The following PDE5A variants were observed in gnomAD, a reference collection of about 807,000 sequenced individuals.
The protein encoded by PDE5A is cGMP-specific 3',5'-cyclic phosphodiesterase.
Under a neutral mutation model 110.2 loss-of-function variants are expected in PDE5A, and 67 were observed. The ratio of observed to expected loss-of-function variants is 0.61; its 90% confidence interval spans 0.50 to 0.75. The LOEUF is 0.75. Among genes scored for constraint, PDE5A ranks in the 30% least tolerant of loss-of-function variants. PDE5A has a pLI of 0.00. For missense variants in PDE5A, 862 were observed against 1,045.1 expected, an observed-to-expected ratio of 0.82 and a Z score of 2.42; for synonymous variants, 328 against 351.2, an observed-to-expected ratio of 0.93 and a Z score of 0.74.
At chr4:119,601,135 T>C (rs1035210297) in intron 2 of PDE5A, among the ~76,000 whole-genome samples, 7 of 152,174 alleles carry the variant, frequency 4.6e-5, no homozygotes, top group Non-Finnish European at 1.0e-4. Context: ...TTTTCAACCA[T>C]ACCCGAATTC....
intron 3 of PDE5A, among the ~76,000 whole-genome samples, chr4:119,580,707 GCTC>G (rs1478007071): frequency 6.6e-6 from 1 of 152,182 alleles, no homozygotes; most frequent in African/African-American, 2.4e-5. Flanking sequence ...AGGAATCACT[GCTC>G]CTAAGCCAGC....
chr4:119,495,279 A>G lies in PDE5A; in HGVS notation c.*3322T>C, dbSNP rs980525323. 1 of 152,140 alleles carries G rather than the reference A, an allele frequency of 6.6e-6. No homozygotes were observed. Among genetic ancestry groups the G allele is most frequent in the Admixed American group, 6.6e-5 (1 of 15,262 alleles). 9.4% of individuals were successfully genotyped at this position (152,140 alleles called of 1,614,324 possible). On this transcript the variant is annotated 3_prime_UTR_variant, in exon 21 of 21. Transcript: ENST00000354960. ...TCCTTGGGGTCACTGCTCTGTCTCC[A>G]CAGCAGAGCACGGTACCTAACATGT... is the stretch of plus-strand genomic sequence containing the variant.
intron 11 of PDE5A, chr4:119,528,843 ATC>A (rs1726423287): frequency 6.6e-6 from 1 of 151,788 alleles, no homozygotes; most frequent in Non-Finnish European, 1.5e-5. Flanking sequence ...CCTAAACTCA[ATC>A]TCTGGTTTTC....
At chr4:119,583,327 T>G (rs1266038452) in intron 3 of PDE5A, among the ~76,000 whole-genome samples, 1 of 152,226 alleles carries the variant, frequency 6.6e-6, no homozygotes, top group African/African-American at 2.4e-5. Context: ...TCCTTACCTC[T>G]CTCAGCCTTC....
rs1725539221 is a variant in PDE5A, at chr4:119,505,952, A to ATTGT, written c.2190-24_2190-21dup. ...CGCCTCCTACAATGTTTAAAAAAAAATTGTTAGTTATAATGAGTACCCAGG... is the reference window on the plus strand; with the variant it reads ...CGCCTCCTACAATGTTTAAAAAAAAATTGTTTGTTAGTTATAATGAGTACCCAGG... On this transcript the variant is annotated intron_variant, in intron 16 of 20. Transcript: ENST00000354960. The ATTGT allele has an allele frequency of 4.9e-6, 7 of 1,433,392 alleles. No individual in the cohort carries two copies. The highest frequency in any genetic ancestry group is 6.7e-6 in the Non-Finnish European group (7 of 1,043,088). 88.8% of individuals were successfully genotyped at this position (1,433,392 alleles called of 1,614,324 possible). A position where few individuals can be genotyped will look rare whatever the true frequency, so the allele number is the denominator to read the frequency against.
chr4:119,583,859 G>A (rs1347724213), intron 3 of PDE5A, among the ~76,000 whole-genome samples: 1 of 152,186 alleles, frequency 6.6e-6, no homozygotes, highest in Admixed American at 6.5e-5. Flanking sequence ...TCAGAGAAAT[G>A]AGGTGGTAAA....
chr4:119,618,050 A>T (rs1730002191), intron 1 of PDE5A, among the ~76,000 whole-genome samples: 1 of 152,100 alleles, frequency 6.6e-6, no homozygotes, highest in Non-Finnish European at 1.5e-5. Flanking sequence ...ATTAATATTG[A>T]CACTGACTTT....
In PDE5A at chr4:119,497,636, ACTTTT is replaced by A. The variant is rs1020371896; in HGVS notation, c.*960_*964del. On this transcript the variant is annotated 3_prime_UTR_variant, in exon 21 of 21. Coordinates refer to ENST00000354960, the MANE Select transcript of PDE5A (RefSeq NM_001083.4). ...GCCCTTTGCTATTTATATAATTAAA[ACTTTT>A]CTTTAAATTTCAATTGACAGGAAAA... 2 of 152,250 alleles carry A rather than the reference ACTTTT, an allele frequency of 1.3e-5. No homozygotes were observed. The highest frequency in any genetic ancestry group is 4.8e-5 in the African/African-American group (2 of 41,560). 9.4% of individuals were successfully genotyped at this position (152,250 alleles called of 1,614,324 possible). A position where few individuals can be genotyped will look rare whatever the true frequency, so the allele number is the denominator to read the frequency against.
At chr4:119,510,019 A>T (rs1448003950) in intron 15 of PDE5A, among the ~76,000 whole-genome samples, 1 of 151,826 alleles carries the variant, frequency 6.6e-6, no homozygotes, top group Non-Finnish European at 1.5e-5. Context: ...CCATTCTCCA[A>T]GTATGAAGAG....
chr4:119,598,289 C>T (rs1729224041), intron 2 of PDE5A, among the ~76,000 whole-genome samples: 1 of 152,126 alleles, frequency 6.6e-6, no homozygotes. Context: ...TTAAAATCAA[C>T]AGCAGTTCTG....
intron 3 of PDE5A, among the ~76,000 whole-genome samples, chr4:119,587,888 A>T (rs1013016017): frequency 7.9e-5 from 12 of 152,230 alleles, no homozygotes; most frequent in Admixed American, 1.3e-4. Context: ...AGCGGCAGTC[A>T]GTACTGTGAG....
Position 119,542,616 on chromosome 4 carries a change from T to G in PDE5A, c.1415A>C (p.Asn472Thr). 3 of 1,613,862 alleles carry G rather than the reference T, an allele frequency of 1.9e-6. No individual in the cohort carries two copies. The highest frequency in any genetic ancestry group is 2.5e-6 in the Non-Finnish European group (3 of 1,179,812). Reference sequence around the variant, plus strand: ...CTTGCCAGTATTCTCCTCCATCTTATTAACAAGTTGGCAAACCCCTATAAC... The same window carrying G: ...CTTGCCAGTATTCTCCTCCATCTTAGTAACAAGTTGGCAAACCCCTATAAC... ...NKVIGVCQLV[N>T]KMEENTGKVK... is the part of the protein sequence containing the mutation. Residue 472 changes from asparagine (N) to threonine (T), a missense_variant, in exon 10 of 21, where the codon AAT becomes ACT. Coordinates refer to ENST00000354960, the MANE Select transcript of PDE5A (RefSeq NM_001083.4).
chr4:119,626,161 A>G (rs1730340728), intron 1 of PDE5A, among the ~76,000 whole-genome samples: 1 of 149,768 alleles, frequency 6.7e-6, no homozygotes, highest in Non-Finnish European at 1.5e-5. Context: ...AAATTTTTTA[A>G]AAGTTTTTTT....
chr4:119,519,145 T>G lies in PDE5A; in HGVS notation c.1906-6A>C. 1 of 1,605,876 alleles carries G rather than the reference T, an allele frequency of 6.2e-7. No homozygotes were observed. Among genetic ancestry groups the G allele is most frequent in the Non-Finnish European group, 8.5e-7 (1 of 1,172,486 alleles). ...TCCAGGTCAGTCAGCTTGTTCTGCA[T>G]GACCAAAGACATTGGAGGAAAGAGA... On this transcript the variant is annotated splice_polypyrimidine_tract_variant and splice_region_variant and intron_variant, in intron 13 of 20. Coordinates refer to ENST00000354960, the MANE Select transcript of PDE5A (RefSeq NM_001083.4).
chr4:119,552,205 A>C (rs529076798), intron 9 of PDE5A, among the ~76,000 whole-genome samples: 2 of 152,262 alleles, frequency 1.3e-5, no homozygotes, highest in African/African-American at 4.8e-5. Flanking sequence ...CCTATAACCT[A>C]AACTACATTC....
intron 1 of PDE5A, among the ~76,000 whole-genome samples, chr4:119,625,753 A>G (rs1730323717): frequency 6.6e-6 from 1 of 152,184 alleles, no homozygotes; most frequent in Admixed American, 6.5e-5. Flanking sequence ...CCTTAGCTGT[A>G]AAGTTAAAAC....
At position 119,552,591 on chromosome 4, in the gene PDE5A, A is replaced by C. The variant is rs1359024852; in HGVS notation, c.1355T>G (p.Leu452Arg). The change falls in exon 9 of 21, where the codon CTT (leucine) becomes CGT (arginine). Residue 452 changes from leucine (L) to arginine (R), a missense_variant. Leu to Arg is a moderately radical substitution (Grantham distance 102). Transcript: ENST00000354960. ...CTTTCCATTTTTTATAGGTGTACAAAGCAAACTTCTAATGCACTGCTGGTT... is the reference window on the plus strand; with the variant it reads ...CTTTCCATTTTTTATAGGTGTACAACGCAAACTTCTAATGCACTGCTGGTT... ...NVNQQCIRSL[L>R]CTPIKNGKKN... 1 of 1,552,290 alleles carries C rather than the reference A, an allele frequency of 6.4e-7. No individual in the cohort carries two copies. The highest frequency in any genetic ancestry group is 8.7e-7 in the Non-Finnish European group (1 of 1,149,252).
At chr4:119,605,218 C>T (rs1050187957) in intron 2 of PDE5A, among the ~76,000 whole-genome samples, 3 of 152,158 alleles carry the variant, frequency 2.0e-5, no homozygotes, top group Non-Finnish European at 4.4e-5. Flanking sequence ...AGATTCTTAT[C>T]CACACACTTA....
chr4:119,501,990 T>C (rs1189319457), intron 19 of PDE5A, among the ~76,000 whole-genome samples: 1 of 151,732 alleles, frequency 6.6e-6, no homozygotes, highest in African/African-American at 2.4e-5. Context: ...AACACACTTC[T>C]GAGGAGAACT....
Sources: allele counts gnomAD v4.1 joint callset (sites outside exome capture counted in the v4.1 genomes callset), GRCh38; gene constraint gnomAD v4.1.1; transcripts MANE v1.5; gene names NCBI Gene and HGNC (gene_info 2026-07-23, HGNC 2026-07-21).